ROBO1: variants seen among roughly 807,000 people sequenced by gnomAD.
ROBO1 encodes roundabout guidance receptor 1.
ROBO1 carries 149 observed loss-of-function variants against 195.9 expected under a neutral mutation model. The ratio of observed to expected loss-of-function variants is 0.76; its 90% CI spans 0.67 to 0.87. ROBO1 has a LOEUF of 0.87. Among genes scored for constraint, ROBO1 ranks in the 40% least tolerant of loss-of-function variants. The pLI, the probability that ROBO1 is intolerant of heterozygous loss-of-function variation, is 0.00. For missense variants in ROBO1, 1,933 were observed against 2,068.3 expected (o/e 0.93, Z 1.27); for synonymous variants, 816 against 733.2 (o/e 1.11, Z -1.82).
rs78200050 is a variant in ROBO1 at position 79,347,952 on chromosome 3, C to A, written c.89-222413G>T. Reference sequence around the variant, plus strand: ...GTTGGTGGGGCGCAGTGGCTCATGCCTGTAATCCCAGCACCTTAAGAGGCC... The same window carrying A: ...GTTGGTGGGGCGCAGTGGCTCATGCATGTAATCCCAGCACCTTAAGAGGCC... On this transcript the variant is annotated intron_variant, in intron 2 of 30. Coordinates refer to ENST00000464233, the MANE Select transcript of ROBO1 (RefSeq NM_002941.4). Among the ~76,000 whole-genome samples, 38 of 152,014 alleles carry A rather than the reference C, an allele frequency of 2.5e-4. No individual in the cohort carries two copies. The East Asian group carries it at 7.0e-3, about 28-fold the overall frequency.
chr3:79,019,079 C>A, intron 3 of ROBO1: 2 of 989,868 alleles, frequency 2.0e-6, no homozygotes, highest in Non-Finnish European at 2.4e-6. Flanking sequence ...CAGCGGCTGC[C>A]TGGGCGGGCC....
chr3:79,201,830 G>A (rs1038003916), intron 2 of ROBO1, among the ~76,000 whole-genome samples: 24 of 150,978 alleles, frequency 1.6e-4, no homozygotes, highest in Non-Finnish European at 2.2e-4. Flanking sequence ...TATTATTGTT[G>A]TAGTAATAAT....
intron 2 of ROBO1, among the ~76,000 whole-genome samples, chr3:79,394,121 T>C (rs2037052120): frequency 6.6e-6 from 1 of 151,182 alleles, no homozygotes; most frequent in Admixed American, 6.6e-5. Flanking sequence ...TGCTTTGGTA[T>C]AGAATCCAGC....
At chr3:79,651,423 T>A (rs960498058) in intron 1 of ROBO1, among the ~76,000 whole-genome samples, 25 of 152,158 alleles carry the variant, frequency 1.6e-4, no homozygotes, top group Non-Finnish European at 7.4e-5. Context: ...CTGCTTTTTT[T>A]AAAAGCACCT....
chr3:79,705,377 ATT>A (rs1215259618), intron 1 of ROBO1, among the ~76,000 whole-genome samples: 1 of 151,274 alleles, frequency 6.6e-6, no homozygotes, highest in Non-Finnish European at 1.5e-5. Flanking sequence ...GTCTAGATTT[ATT>A]TTGTTTTCTC....
intron 1 of ROBO1, among the ~76,000 whole-genome samples, chr3:79,694,041 A>G (rs1485313772): frequency 6.6e-6 from 1 of 151,806 alleles, no homozygotes; most frequent in Non-Finnish European, 1.5e-5. Context: ...ATAGAGGCCT[A>G]ATACTGGATT....
At chr3:79,359,509 C>T (rs1218633118) in intron 2 of ROBO1, among the ~76,000 whole-genome samples, 1 of 151,978 alleles carries the variant, frequency 6.6e-6, no homozygotes, top group Non-Finnish European at 1.5e-5. Context: ...AAAAACATTT[C>T]TTGTCAACTG....
chr3:79,006,473 C>A (rs2077623180), intron 3 of ROBO1, among the ~76,000 whole-genome samples: 1 of 152,058 alleles, frequency 6.6e-6, no homozygotes, highest in South Asian at 2.1e-4. Flanking sequence ...ACTGCAGCCA[C>A]AAAATGATGA....
intron 2 of ROBO1, among the ~76,000 whole-genome samples, chr3:79,226,740 T>C (rs1437830740): frequency 6.6e-6 from 1 of 151,788 alleles, no homozygotes; most frequent in Non-Finnish European, 1.5e-5. Flanking sequence ...AGAGATAAGG[T>C]CTCCGTATGT....
intron 17 of ROBO1, among the ~76,000 whole-genome samples, chr3:78,657,972 C>T (rs377528801): frequency 3.9e-5 from 6 of 152,194 alleles, no homozygotes; most frequent in African/African-American, 9.7e-5. Context: ...GCCCTCTGCT[C>T]TTCTATTTAA....
chr3:79,463,160 T>A (rs145062737), intron 2 of ROBO1, among the ~76,000 whole-genome samples: 1 of 152,046 alleles, frequency 6.6e-6, no homozygotes, highest in Admixed American at 6.5e-5. Context: ...GATTGCGAGG[T>A]CAGGAGATCA....
At chr3:79,595,864 C>T (rs187751331) in intron 1 of ROBO1, among the ~76,000 whole-genome samples, 1 of 151,766 alleles carries the variant, frequency 6.6e-6, no homozygotes, top group Admixed American at 6.6e-5. Flanking sequence ...CTGTCCTAGT[C>T]TTAATAAAGA....
intron 8 of ROBO1, among the ~76,000 whole-genome samples, chr3:78,705,712 C>T (rs1290828024): frequency 6.6e-6 from 1 of 152,126 alleles, no homozygotes; most frequent in African/African-American, 2.4e-5. Context: ...ATGCCTTCAC[C>T]AATGTGGGCT....
At chr3:79,682,763 G>A (rs558027938) in intron 1 of ROBO1, among the ~76,000 whole-genome samples, 7 of 151,964 alleles carry the variant, frequency 4.6e-5, no homozygotes, top group South Asian at 2.1e-4. Flanking sequence ...GGGCATAACC[G>A]CATGTTTTAC....
At chr3:79,450,469 C>A (rs1445129953) in intron 2 of ROBO1, among the ~76,000 whole-genome samples, 1 of 151,896 alleles carries the variant, frequency 6.6e-6, no homozygotes, top group Non-Finnish European at 1.5e-5. Context: ...TAAATAAATA[C>A]CCAGAGACTT....
At chr3:79,614,552 T>A (rs1373436463) in intron 1 of ROBO1, among the ~76,000 whole-genome samples, 2 of 152,136 alleles carry the variant, frequency 1.3e-5, no homozygotes, top group Non-Finnish European at 2.9e-5. Flanking sequence ...AAATTAATTG[T>A]ATTTATATAG....
chr3:79,545,434 CATTCTTGCTA>C (rs1232331560), intron 2 of ROBO1, among the ~76,000 whole-genome samples: 1 of 152,128 alleles, frequency 6.6e-6, no homozygotes, highest in Non-Finnish European at 1.5e-5. Context: ...TCGACATGAC[CATTCTTGCTA>C]ACCTTGCCAG....
chr3:79,442,204 G>T (rs930495958), intron 2 of ROBO1, among the ~76,000 whole-genome samples: 1 of 151,818 alleles, frequency 6.6e-6, no homozygotes, highest in Non-Finnish European at 1.5e-5. Flanking sequence ...CAACTATTTT[G>T]GTCTCTCATA....
intron 18 of ROBO1, among the ~76,000 whole-genome samples, chr3:78,655,253 C>T (rs1226716925): frequency 6.6e-6 from 1 of 152,112 alleles, no homozygotes; most frequent in African/African-American, 2.4e-5. Context: ...GCAAGTTTTT[C>T]CCTAAAAGCT....
Sources: allele counts gnomAD v4.1 joint callset (sites outside exome capture counted in the v4.1 genomes callset), GRCh38; gene constraint gnomAD v4.1.1; transcripts MANE v1.5; gene names NCBI Gene and HGNC (gene_info 2026-07-23, HGNC 2026-07-21).